Variants in SLC34A2 observed in about 807,000 individuals in gnomAD.
The protein encoded by SLC34A2 is solute carrier family 34 member 2, also known as sodium-dependent phosphate transport protein 2B.
In SLC34A2, 41 loss-of-function variants were observed where a neutral mutation model predicts 50.8. That is an observed-to-expected ratio of 0.81 (90% confidence interval 0.63 to 1.05). The LOEUF (loss-of-function observed/expected upper bound fraction) is 1.05, where lower values mean the gene tolerates loss of function less well. Among genes scored for constraint, SLC34A2 ranks in the 50% least tolerant of loss-of-function variants. The pLI, the probability that SLC34A2 is intolerant of heterozygous loss-of-function variation, is 0.00. For missense variants in SLC34A2, 879 were observed against 876.7 expected (o/e 1.00, Z -0.03); for synonymous variants, 401 against 364.2 (o/e 1.10, Z -1.15).
intron 7 of SLC34A2, 146 bp downstream of exon 7, chr4:25,669,988 C>T (rs762916007): frequency 3.7e-5 from 29 of 791,552 alleles, no homozygotes; most frequent in East Asian, 7.7e-5. Context: ...TTTGGGAGGC[C>T]GAGGCAGGTG....
chr4:25,664,344 G>C lies in SLC34A2; in HGVS notation c.379+14G>C. On this transcript the variant is annotated intron_variant, in intron 4 of 12. Coordinates refer to ENST00000382051, the MANE Select transcript of SLC34A2 (RefSeq NM_006424.3). ...AGCTGGTTGGAGGTAAGAATGAAAG[G>C]GTGAGAGGTCTGCGGGTGAGGGGCA... The C allele has an allele frequency of 6.2e-7, 1 of 1,613,998 alleles. No homozygotes were observed. The highest frequency in any genetic ancestry group is 1.1e-5 in the South Asian group (1 of 91,068).
Position 25,676,383 on chromosome 4 carries a change from A to G in SLC34A2, c.1707A>G (p.Val569=), listed in dbSNP as rs1715117554. 6.2e-7 allele frequency: 1 copy of G among 1,613,824 alleles called. No homozygotes were observed. The highest frequency in any genetic ancestry group is 8.5e-7 in the Non-Finnish European group (1 of 1,179,974). ...CCGTCGTCTTCATCATCATCCTGGT[A>G]CTGTGCCTCCGACTCCTGCAGTCTC... ...GVPVVFIIIL[V]LCLRLLQSRC... Residue 569 remains valine (V), a synonymous_variant, in exon 13 of 13, where the codon GTA becomes GTG. Coordinates refer to ENST00000382051, the MANE Select transcript of SLC34A2 (RefSeq NM_006424.3).
chr4:25,673,242 A>G lies in SLC34A2; in HGVS notation c.1204A>G (p.Thr402Ala), dbSNP rs1714915389. The change falls in exon 10 of 13, where the codon ACC becomes GCC. Residue 402 changes from threonine to alanine, a missense_variant. By Grantham distance (58) the Thr-to-Ala change is moderately conservative (BLOSUM62 0). Transcript: ENST00000382051. ...KGQVATVIKK[T>A]INTDFPFPFA... ...GCAGGTCGCCACTGTCATCAAGAAGACCATCAACACTGGTAGGTACACTGC... is the reference window on the plus strand; with the variant it reads ...GCAGGTCGCCACTGTCATCAAGAAGGCCATCAACACTGGTAGGTACACTGC... 3 of 1,613,022 alleles carry G rather than the reference A, an allele frequency of 1.9e-6. No individual in the cohort carries two copies. Among genetic ancestry groups the G allele is most frequent in the Non-Finnish European group, 2.5e-6 (3 of 1,179,942 alleles).
At position 25,676,511 on chromosome 4, in the gene SLC34A2, G is replaced by A. The variant is rs1715131818; in HGVS notation, c.1835G>A (p.Gly612Asp). 1 of 1,613,978 alleles carries A rather than the reference G, an allele frequency of 6.2e-7. No homozygotes were observed. Residue 612 changes from glycine (G) to aspartate (D), a missense_variant, in exon 13 of 13, where the codon GGC (glycine) becomes GAC (aspartate). Coordinates refer to ENST00000382051, the MANE Select transcript of SLC34A2 (RefSeq NM_006424.3). ...GATGCCGTCGTCTCCAAGTTCACCG[G>A]CTGCTTCCAGATGCGCTGCTGCTGC... ...PWDAVVSKFT[G>D]CFQMRCCCCC...
At chr4:25,658,642 G>A (rs1714012209) in intron 1 of SLC34A2, among the ~76,000 whole-genome samples, 1 of 152,228 alleles carries the variant, frequency 6.6e-6, no homozygotes, top group African/African-American at 2.4e-5. Flanking sequence ...AAGAGGGTGA[G>A]GCACACAGGC....
Position 25,662,860 on chromosome 4 carries a change from T to A in SLC34A2, c.250+18T>A, listed in dbSNP as rs373254952. 28 of 1,613,612 alleles carry A rather than the reference T, an allele frequency of 1.7e-5. No homozygotes were observed. The East Asian group carries it at 1.8e-4, about 10-fold the overall frequency. ...GTGGTCAGGTAAAAGTGAGGCCAGC[T>A]GAGACATTCAGGAGGGAAACTTCCT... On this transcript the variant is annotated intron_variant, in intron 3 of 12. Coordinates refer to ENST00000382051, the MANE Select transcript of SLC34A2 (RefSeq NM_006424.3).
chr4:25,664,613 G>A (rs1395530070), intron 4 of SLC34A2, among the ~76,000 whole-genome samples: 2 of 152,250 alleles, frequency 1.3e-5, no homozygotes, highest in Admixed American at 1.3e-4. Flanking sequence ...CCCCAGGCAG[G>A]AAGTTGTCTG....
intron 7 of SLC34A2, among the ~76,000 whole-genome samples, chr4:25,670,344 C>T (rs948591432): frequency 1.3e-5 from 2 of 152,224 alleles, no homozygotes; most frequent in Admixed American, 6.5e-5. Context: ...ACTTCCATAA[C>T]ATGCCACCTT....
chr4:25,662,765 C>T lies in SLC34A2; in HGVS notation c.173C>T (p.Thr58Ile). The change falls in exon 3 of 13, where the codon ACA becomes ATA. Residue 58 changes from threonine (T) to isoleucine (I), a missense_variant. By Grantham distance (89) the Thr-to-Ile change is moderately conservative (BLOSUM62 -1). Coordinates refer to ENST00000382051, the MANE Select transcript of SLC34A2 (RefSeq NM_006424.3). The stretch of plus-strand genomic sequence containing the variant: ...CTTCTGCCGTCCTACTCCACGGCTA[C>T]ACTGATAGATGAGCCCACTGAGGTG... ...IELLPSYSTA[T>I]LIDEPTEVDD... 3 of 1,614,092 alleles carry T rather than the reference C, an allele frequency of 1.9e-6. No individual in the cohort carries two copies. The highest frequency in any genetic ancestry group is 2.5e-6 in the Non-Finnish European group (3 of 1,180,008).
Position 25,676,481 on chromosome 4 carries a change from C to T in SLC34A2, c.1805C>T (p.Pro602Leu). The T allele has an allele frequency of 6.2e-7, 1 of 1,614,172 alleles. No individual in the cohort carries two copies. The highest frequency in any genetic ancestry group is 8.5e-7 in the Non-Finnish European group (1 of 1,180,046). Reference protein sequence around the residue: ...FLPLWMRSLKPWDAVVSKFTG... With the variant: ...FLPLWMRSLKLWDAVVSKFTG... ...CCGCTGTGGATGCGCTCGCTGAAGC[C>T]CTGGGATGCCGTCGTCTCCAAGTTC... is the stretch of plus-strand genomic sequence containing the variant. Residue 602 changes from proline (P) to leucine (L), a missense_variant, in exon 13 of 13, where the codon CCC (proline) becomes CTC (leucine). Physicochemically the swap from Pro to Leu is moderately conservative, Grantham distance 98 (BLOSUM62 -3). Coordinates refer to ENST00000382051, the MANE Select transcript of SLC34A2 (RefSeq NM_006424.3).
At chr4:25,671,841 T>A (rs745725082) in intron 9 of SLC34A2, 120 bp downstream of exon 9, 10 of 1,369,766 alleles carry the variant, frequency 7.3e-6, no homozygotes, top group African/African-American at 1.4e-5. Flanking sequence ...GCACCTGCCC[T>A]ACATCAAGCA....
At chr4:25,667,322 A>T (rs931326998) in intron 5 of SLC34A2, among the ~76,000 whole-genome samples, 3 of 152,072 alleles carry the variant, frequency 2.0e-5, no homozygotes, top group Non-Finnish European at 2.9e-5. Context: ...GACCAGCCTG[A>T]CCAACACGGT....
At chr4:25,658,894 A>T (rs1395283773) in intron 1 of SLC34A2, among the ~76,000 whole-genome samples, 16 of 149,188 alleles carry the variant, frequency 1.1e-4, no homozygotes, top group African/African-American at 3.9e-4. Context: ...TGCACCATTT[A>T]ATACCCACCC....
intron 8 of SLC34A2, 46 bp from the exon 9 acceptor site, chr4:25,671,555 C>G (rs1430558123): frequency 6.2e-7 from 1 of 1,613,924 alleles, no homozygotes; most frequent in South Asian, 1.1e-5. Flanking sequence ...CTCCCATTCC[C>G]CACTAAAAGC....
In SLC34A2 at chr4:25,671,814, A is replaced by G. The variant is rs1476546383; in HGVS notation, c.1048+93A>G. 4 of 1,570,282 alleles carry G rather than the reference A, an allele frequency of 2.5e-6. No homozygotes were observed. In the East Asian group the frequency reaches 6.7e-5, roughly 26 times the overall value. Reference sequence around the variant, plus strand: ...GAAGTCCCAGTAAGTGAAGGAAAGGACAGTAGGAGTCACCAAGCACCTGCC... The same window carrying G: ...GAAGTCCCAGTAAGTGAAGGAAAGGGCAGTAGGAGTCACCAAGCACCTGCC... On this transcript the variant is annotated intron_variant, in intron 9 of 12. Coordinates refer to ENST00000382051, the MANE Select transcript of SLC34A2 (RefSeq NM_006424.3).
At position 25,678,554 on chromosome 4, in the gene SLC34A2, A is replaced by AGACCAGG. The variant is rs1715278349; in HGVS notation, c.*1805_*1806insGACCAGG. On this transcript the variant is annotated 3_prime_UTR_variant, in exon 13 of 13. Transcript: ENST00000382051. The stretch of plus-strand genomic sequence containing the variant: ...GAATCTTTGTACTTGCATTGATTGT[A>AGACCAGG]TAATAATTTTGAGACCAGGTCTCGC... 1 of 214,498 alleles carries AGACCAGG rather than the reference A, an allele frequency of 4.7e-6. No individual in the cohort carries two copies. The highest frequency in any genetic ancestry group is 9.5e-6 in the Non-Finnish European group (1 of 105,680). 13.3% of individuals were successfully genotyped at this position (214,498 alleles called of 1,614,324 possible).
Position 25,669,053 on chromosome 4 carries a change from A to T in SLC34A2, c.636-594A>T, listed in dbSNP as rs998078712. Among the ~76,000 whole-genome samples, 11 of 152,266 alleles carry T rather than the reference A, an allele frequency of 7.2e-5. 1 individual carries two copies. Among genetic ancestry groups the T allele is most frequent in the Admixed American group, 2.0e-4 (3 of 15,302 alleles). On this transcript the variant is annotated intron_variant, in intron 6 of 12. Coordinates refer to ENST00000382051, the MANE Select transcript of SLC34A2 (RefSeq NM_006424.3). ...ATGTTTTAGCCTTGTTTCCCATGGAAACTATTCATGTTTCATCACTTTCAA... is the reference window on the plus strand; with the variant it reads ...ATGTTTTAGCCTTGTTTCCCATGGATACTATTCATGTTTCATCACTTTCAA...
intron 1 of SLC34A2, among the ~76,000 whole-genome samples, chr4:25,657,957 C>G (rs1475760707): frequency 5.3e-5 from 8 of 152,116 alleles, no homozygotes; most frequent in Non-Finnish European, 1.2e-4. Context: ...AGACGTCACC[C>G]TCTTGGGAAT....
At chr4:25,668,185 GC>G (rs2109054680) in intron 6 of SLC34A2, among the ~76,000 whole-genome samples, 194 bp downstream of exon 6, 1 of 152,320 alleles carries the variant, frequency 6.6e-6, no homozygotes, top group African/African-American at 2.4e-5. Context: ...TCCCTGATCG[GC>G]AGAGCAGGGA....
Sources: allele counts gnomAD v4.1 joint callset (sites outside exome capture counted in the v4.1 genomes callset), GRCh38; gene constraint gnomAD v4.1.1; transcripts MANE v1.5; gene names NCBI Gene and HGNC (gene_info 2026-07-23, HGNC 2026-07-21).